The following RC3H1 variants were observed in gnomAD, a reference collection of about 807,000 sequenced individuals.
RC3H1 encodes ring finger and CCCH-type domains 1.
In RC3H1, 50 loss-of-function variants were observed where a neutral mutation model predicts 138.2. The ratio of observed to expected loss-of-function variants is 0.36; its 90% CI spans 0.29 to 0.46. The LOEUF (loss-of-function observed/expected upper bound fraction) is 0.46. Ranked by LOEUF, RC3H1 falls within the 20% of genes least tolerant of loss-of-function variation. The probability of loss-of-function intolerance (pLI) is 1.00; values close to 1 mark genes in which losing one functional copy is unlikely to be tolerated. For missense variants in RC3H1, 1,031 were observed against 1,388.1 expected (o/e 0.74, Z 4.09); for synonymous variants, 462 against 489.1 (o/e 0.94, Z 0.73).
chr1:174,021,651 C>T (rs1661962734), intron 1 of RC3H1, among the ~76,000 whole-genome samples: 1 of 152,202 alleles, frequency 6.6e-6, no homozygotes, highest in Non-Finnish European at 1.5e-5. Context: ...GGAAGCAGCC[C>T]TGAGGTGCTG....
intron 1 of RC3H1, among the ~76,000 whole-genome samples, chr1:174,005,417 T>A (rs1661635635): frequency 6.6e-6 from 1 of 152,230 alleles, no homozygotes; most frequent in Non-Finnish European, 1.5e-5. Flanking sequence ...TAATAATAGA[T>A]TATCTGGTGA....
intron 1 of RC3H1, among the ~76,000 whole-genome samples, chr1:174,012,679 G>A (rs1314103811): frequency 1.3e-5 from 2 of 151,848 alleles, no homozygotes; most frequent in African/African-American, 4.8e-5. Flanking sequence ...AGCTACTCGG[G>A]AGGCTGAGGC....
At chr1:173,960,320 A>T (rs1232714775) in intron 13 of RC3H1, among the ~76,000 whole-genome samples, 2 of 151,944 alleles carry the variant, frequency 1.3e-5, no homozygotes, top group African/African-American at 2.4e-5. Flanking sequence ...ATAAAGCAAC[A>T]CTGTCTAATA....
At position 173,936,640 on chromosome 1, in the gene RC3H1, T is replaced by A. The variant is rs1658596646; in HGVS notation, c.*2081A>T. On this transcript the variant is annotated 3_prime_UTR_variant, in exon 20 of 20. Transcript: ENST00000367696. ...ACAAAAGTTTCTTTCCTTCTCCCAA[T>A]AAACAATAGGCATTTAAAGTGGAAA... The A allele has an allele frequency of 7.7e-6, 1 of 130,202 alleles. No individual in the cohort carries two copies. The highest frequency in any genetic ancestry group is 2.9e-5 in the African/African-American group (1 of 34,258). 8.1% of individuals were successfully genotyped at this position (130,202 alleles called of 1,614,324 possible). A position where few individuals can be genotyped will look rare whatever the true frequency, so the allele number is the denominator to read the frequency against.
Position 173,943,526 on chromosome 1 carries a change from A to G in RC3H1, c.3051T>C (p.Pro1017=). Residue 1017 remains proline (P), a synonymous_variant, in exon 18 of 20, where the codon CCT becomes CCC. Transcript: ENST00000367696. ...TCAACTGCTCACTTGAGATCATCCCAGGCCATTTTGGAGGTGGCGGTGGTG... is the reference window on the plus strand; with the variant it reads ...TCAACTGCTCACTTGAGATCATCCCGGGCCATTTTGGAGGTGGCGGTGGTG... ...QPPPPPPPKW[P]GMISSEQLSL... 6.2e-7 allele frequency: 1 copy of G among 1,614,128 alleles called. No individual in the cohort carries two copies. Among genetic ancestry groups the G allele is most frequent in the Non-Finnish European group, 8.5e-7 (1 of 1,180,008 alleles).
At chr1:174,017,810 A>AAAAAAAAAAC (rs1661889930) in intron 1 of RC3H1, among the ~76,000 whole-genome samples, 1 of 146,126 alleles carries the variant, frequency 6.8e-6, no homozygotes, top group African/African-American at 2.5e-5. Context: ...AAAAAAAAAA[A>AAAAAAAAAAC]CTGCTACCAT....
intron 7 of RC3H1, among the ~76,000 whole-genome samples, chr1:173,972,874 A>G (rs1660423923): frequency 6.6e-6 from 1 of 152,244 alleles, no homozygotes; most frequent in South Asian, 2.1e-4. Flanking sequence ...AATAGGCCAC[A>G]CAATAGTGGT....
chr1:173,997,233 A>G (rs1417031370), intron 1 of RC3H1, among the ~76,000 whole-genome samples: 3 of 152,172 alleles, frequency 2.0e-5, no homozygotes, highest in Non-Finnish European at 4.4e-5. Context: ...AAAACAAAAC[A>G]AGACAAAAAA....
intron 3 of RC3H1, 134 bp from the exon 4 acceptor site, chr1:173,983,791 A>G (rs1660915204): frequency 2.5e-6 from 2 of 801,428 alleles, no homozygotes; most frequent in Non-Finnish European, 4.0e-6. Context: ...TAAGCAACAA[A>G]TAAAACCACA....
chr1:173,987,924 A>G (rs1049710321), intron 2 of RC3H1, among the ~76,000 whole-genome samples: 6 of 152,096 alleles, frequency 3.9e-5, no homozygotes, highest in Non-Finnish European at 7.4e-5. Flanking sequence ...TTTCCCATTC[A>G]CTTACTTAAC....
chr1:173,996,351 C>G (rs1661461326), intron 1 of RC3H1, among the ~76,000 whole-genome samples: 1 of 151,920 alleles, frequency 6.6e-6, no homozygotes, highest in African/African-American at 2.4e-5. Context: ...AGAACCCTTA[C>G]ATATTAGTCT....
chr1:173,999,764 A>T (rs1294862032), intron 1 of RC3H1, among the ~76,000 whole-genome samples: 2 of 152,240 alleles, frequency 1.3e-5, no homozygotes, highest in Non-Finnish European at 2.9e-5. Flanking sequence ...ACATTTGTGA[A>T]GCAAAAACTA....
At position 173,934,613 on chromosome 1, in the gene RC3H1, A is replaced by T. The variant is rs1658505431; in HGVS notation, c.*4108T>A. 1 of 152,208 alleles carries T rather than the reference A, an allele frequency of 6.6e-6. No homozygotes were observed. Among genetic ancestry groups the T allele is most frequent in the Non-Finnish European group, 1.5e-5 (1 of 68,022 alleles). 9.4% of individuals were successfully genotyped at this position (152,208 alleles called of 1,614,324 possible). A position where few individuals can be genotyped will look rare whatever the true frequency, so the allele number is the denominator to read the frequency against. On this transcript the variant is annotated 3_prime_UTR_variant, in exon 20 of 20. Coordinates refer to ENST00000367696, the MANE Select transcript of RC3H1 (RefSeq NM_172071.4). ...AGAAAACAGCAGGTTACCATTCTTA[A>T]CCAGACCTTTGTTTGCCTACCAGTA...
At chr1:173,963,076 T>C (rs1017656417) in intron 11 of RC3H1, among the ~76,000 whole-genome samples, 2 of 152,230 alleles carry the variant, frequency 1.3e-5, no homozygotes, top group South Asian at 4.1e-4. Context: ...ATTTTACATA[T>C]AAACTATATA....
At chr1:173,976,390 T>C (rs1439894166) in intron 7 of RC3H1, among the ~76,000 whole-genome samples, 9 of 151,762 alleles carry the variant, frequency 5.9e-5, no homozygotes, top group Admixed American at 3.3e-4. Context: ...CAGGCAGAGG[T>C]TGCAGTGAAC....
intron 2 of RC3H1, among the ~76,000 whole-genome samples, chr1:173,990,017 C>T (rs964154397): frequency 3.3e-5 from 5 of 151,892 alleles, no homozygotes; most frequent in African/African-American, 4.8e-5. Flanking sequence ...TGAGCCACCG[C>T]GCCCGGCCTA....
intron 1 of RC3H1, among the ~76,000 whole-genome samples, chr1:174,007,030 T>C (rs1048807210): frequency 6.6e-6 from 1 of 152,138 alleles, no homozygotes; most frequent in Non-Finnish European, 1.5e-5. Context: ...TACTCCTTTA[T>C]TCTTCCCCAA....
rs1215700586 is a variant in RC3H1, at chr1:173,937,798, TATG to T, written c.*920_*922del. 6.6e-6 allele frequency: 1 copy of T among 152,214 alleles called. No homozygotes were observed. The highest frequency in any genetic ancestry group is 1.5e-5 in the Non-Finnish European group (1 of 68,040). The allele number at this position is 152,214 out of a possible 1,614,324, so 9.4% of individuals were successfully genotyped here. A position where few individuals can be genotyped will look rare whatever the true frequency, so the allele number is the denominator to read the frequency against. On this transcript the variant is annotated 3_prime_UTR_variant, in exon 20 of 20. Transcript: ENST00000367696. ...TGATTGTCCTTGTTTTTTAGCATCC[TATG>T]ATGTCAGCAAAAGTTTAATTTGAAA...
chr1:173,950,548 C>T (rs1366113868), intron 14 of RC3H1, among the ~76,000 whole-genome samples: 1 of 151,190 alleles, frequency 6.6e-6, no homozygotes, highest in Non-Finnish European at 1.5e-5. Context: ...GTGATTGTGA[C>T]ACTGTACTCC....
Sources: allele counts gnomAD v4.1 joint callset (sites outside exome capture counted in the v4.1 genomes callset), GRCh38; gene constraint gnomAD v4.1.1; transcripts MANE v1.5; gene names NCBI Gene and HGNC (gene_info 2026-07-23, HGNC 2026-07-21).